Variants in LYST observed in about 807,000 individuals in gnomAD.
LYST encodes the protein lysosomal-trafficking regulator.
LYST carries 192 observed loss-of-function variants against 413.6 expected under a neutral mutation model. That is an observed-to-expected ratio of 0.46 (90% confidence interval 0.41 to 0.52). The LOEUF (loss-of-function observed/expected upper bound fraction) is 0.52. Ranked by LOEUF, LYST falls within the 20% of genes least tolerant of loss-of-function variation. The pLI is 0.00. For missense variants in LYST, 3,815 were observed against 4,499.9 expected, an observed-to-expected ratio of 0.85 and a Z score of 4.35; for synonymous variants, 1,525 against 1,567.3, an observed-to-expected ratio of 0.97 and a Z score of 0.64.
intron 38 of LYST, among the ~76,000 whole-genome samples, chr1:235,726,392 T>C (rs564928617): frequency 9.7e-4 from 148 of 152,326 alleles, no homozygotes; most frequent in African/African-American, 3.5e-3. Flanking sequence ...AATATTTTCA[T>C]ACTTAAAACT....
intron 47 of LYST, among the ~76,000 whole-genome samples, chr1:235,692,535 C>A (rs1489794132): frequency 6.6e-6 from 1 of 151,858 alleles, no homozygotes; most frequent in East Asian, 2.0e-4. Flanking sequence ...AATGTGCCAC[C>A]ATGCCTGGCT....
intron 1 of LYST, among the ~76,000 whole-genome samples, chr1:235,837,918 T>C (rs968942743): frequency 6.6e-6 from 1 of 152,012 alleles, no homozygotes; most frequent in Non-Finnish European, 1.5e-5. Context: ...AAACATAGTA[T>C]GTTTCTCTAA....
intron 1 of LYST, among the ~76,000 whole-genome samples, chr1:235,866,580 C>A (rs1403344952): frequency 2.6e-5 from 4 of 152,236 alleles, no homozygotes; most frequent in East Asian, 1.9e-4. Flanking sequence ...GGGGCCCAGC[C>A]GAGCTCCCGC....
intron 9 of LYST, 115 bp downstream of exon 9, chr1:235,800,756 A>G: frequency 1.4e-6 from 1 of 739,274 alleles, no homozygotes; most frequent in South Asian, 1.7e-5. Flanking sequence ...GGTACCAGAA[A>G]AGATAAGTAA....
In LYST at chr1:235,664,145, T is replaced by C; in HGVS notation, c.11196-90A>G. 3 of 990,946 alleles carry C rather than the reference T, an allele frequency of 3.0e-6. No homozygotes were observed. The highest frequency in any genetic ancestry group is 1.3e-5 in the South Asian group (1 of 78,320). The allele number at this position is 990,946 out of a possible 1,614,324, so 61.4% of individuals were successfully genotyped here. A position where few individuals can be genotyped will look rare whatever the true frequency, so the allele number is the denominator to read the frequency against. On this transcript the variant is annotated intron_variant, in intron 51 of 52. Transcript: ENST00000389793. This position sits in a 1 kb window ranked among gnomAD's most constrained non-coding sequence, Gnocchi z 4.5. ...ATTTGTTTATTTGTTAAAAATCATG[T>C]GGAAGGAAATGTAACAAACAATTAA...
chr1:235,753,055 T>A lies in LYST; in HGVS notation c.7449A>T (p.Gly2483=). The A allele has an allele frequency of 6.6e-7, 1 of 1,523,052 alleles. No individual in the cohort carries two copies. The highest frequency in any genetic ancestry group is 9.1e-7 in the Non-Finnish European group (1 of 1,098,136). The allele number at this position is 1,523,052 out of a possible 1,614,324, so 94.3% of individuals were successfully genotyped here. A position where few individuals can be genotyped will look rare whatever the true frequency, so the allele number is the denominator to read the frequency against. The part of the protein sequence containing the change: ...VLCNTVAALN[G]LEKNIPMSEY... ...AATTTTAAACTTACTTCTTTTCTAA[T>A]CCATTCAGGGCTGCTACTGTATTAC... The change falls in exon 26 of 53, where the codon GGA becomes GGT. Residue 2483 remains glycine, a synonymous_variant. Coordinates refer to ENST00000389793, the MANE Select transcript of LYST (RefSeq NM_000081.4).
At chr1:235,760,854 C>A (rs1667509848) in intron 22 of LYST, among the ~76,000 whole-genome samples, 1 of 152,198 alleles carries the variant, frequency 6.6e-6, no homozygotes, top group Admixed American at 6.5e-5. Flanking sequence ...CCAAAAGATT[C>A]TCTTCAAAAG....
At chr1:235,857,742 T>TACACAC (rs56208034) in intron 1 of LYST, among the ~76,000 whole-genome samples, 31 of 129,344 alleles carry the variant, frequency 2.4e-4, no homozygotes, top group African/African-American at 7.5e-4. Context: ...CATATGTAAA[T>TACACAC]ACACACACAC....
At position 235,715,243 on chromosome 1, in the gene LYST, C is replaced by T. The variant is rs543359025; in HGVS notation, c.9742G>A (p.Val3248Ile). 102 of 1,613,946 alleles carry T rather than the reference C, an allele frequency of 6.3e-5. 1 individual carries two copies. In the South Asian group the frequency reaches 9.2e-4, roughly 15 times the overall value. Residue 3248 changes from valine (V) to isoleucine (I), a missense_variant, in exon 42 of 53, where the codon GTC (valine) becomes ATC (isoleucine). Physicochemically the swap from Val to Ile is conservative, Grantham distance 29. Coordinates refer to ENST00000389793, the MANE Select transcript of LYST (RefSeq NM_000081.4). ...SNSGTVLHFL[V>I]RMPPFTKMFL... is the part of the protein sequence containing the mutation. ...ATTTTAGTGAAAGGAGGCATCCTGA[C>T]CAGGAAGTGAAGCACAGTGCCGCTA...
rs1302142963 is a variant in LYST at position 235,738,847 on chromosome 1, A to G, written c.8358+2575T>C. On this transcript the variant is annotated intron_variant, in intron 31 of 52. Coordinates refer to ENST00000389793, the MANE Select transcript of LYST (RefSeq NM_000081.4). ...ACCATGATTGGTGGAATAAAGGATG[A>G]TGTCTTCCTTAGCATTCCTTGCATC... is the stretch of plus-strand genomic sequence containing the variant. 3.9e-6 allele frequency: 3 copies of G among 772,724 alleles called. No homozygotes were observed. In the Admixed American group the frequency reaches 5.1e-5, roughly 13 times the overall value. The allele number at this position is 772,724 out of a possible 1,614,324, so 47.9% of individuals were successfully genotyped here.
At chr1:235,815,892 G>A (rs1674004884) in intron 3 of LYST, among the ~76,000 whole-genome samples, 1 of 152,050 alleles carries the variant, frequency 6.6e-6, no homozygotes, top group Admixed American at 6.5e-5. Flanking sequence ...CAACACTTTG[G>A]GAGGCTGAGG....
In LYST at chr1:235,715,302, A is replaced by C. The variant is rs1471430894; in HGVS notation, c.9683T>G (p.Val3228Gly). 6 of 1,614,032 alleles carry C rather than the reference A, an allele frequency of 3.7e-6. No homozygotes were observed. Among genetic ancestry groups the C allele is most frequent in the Middle Eastern group, 1.7e-4 (1 of 6,052 alleles). The change falls in exon 42 of 53, where the codon GTG becomes GGG. Residue 3228 changes from valine to glycine, a missense_variant. Around this residue, in one of 4 missense-constraint regions of LYST, gnomAD observed 866 missense variants for 1,156.0 expected, o/e 0.75. Coordinates refer to ENST00000389793, the MANE Select transcript of LYST (RefSeq NM_000081.4). ...GTGGGAGCCATAGTGATAGGGCTGC[A>C]CGGGAGGCATGGGGTCATCTTCTCT... ...GAREDDPMPP[V>G]QPYHYGSHYS...
At chr1:235,862,203 C>A (rs1247127947) in intron 1 of LYST, among the ~76,000 whole-genome samples, 1 of 152,206 alleles carries the variant, frequency 6.6e-6, no homozygotes, top group African/African-American at 2.4e-5. Context: ...TCTGCTTTAA[C>A]CCTAATAAGA....
chr1:235,691,563 A>C (rs1022931894), intron 47 of LYST, among the ~76,000 whole-genome samples: 3 of 152,204 alleles, frequency 2.0e-5, no homozygotes, highest in Non-Finnish European at 4.4e-5. Context: ...TGGTTCAAAC[A>C]CTATGCCCTT....
chr1:235,729,136 A>G (rs1207716535), intron 37 of LYST, among the ~76,000 whole-genome samples: 3 of 152,220 alleles, frequency 2.0e-5, no homozygotes, highest in African/African-American at 2.4e-5. Flanking sequence ...AAAATTTTCA[A>G]ACAAATATAA....
intron 16 of LYST, among the ~76,000 whole-genome samples, chr1:235,778,352 C>T (rs1251225348): frequency 6.6e-6 from 1 of 151,238 alleles, no homozygotes; most frequent in Non-Finnish European, 1.5e-5. Context: ...GGGCCTTGTG[C>T]TTAGATTATT....
chr1:235,873,699 AT>A lies in LYST; in HGVS notation n.454+9487del, dbSNP rs1681031164. ...TTATTTTGACAGCCAGTATTTGTCT[AT>A]CTTAATTCCCAATATATTCCTGCGG... On this transcript the variant is annotated intron_variant and non_coding_transcript_variant, in intron 1 of 11. Transcript: ENST00000465349. 2.0e-5 allele frequency among the ~76,000 whole-genome samples: 3 copies of A among 152,234 alleles called. No homozygotes were observed. The South Asian group carries it at 6.2e-4, about 32-fold the overall frequency.
chr1:235,833,657 C>G lies in LYST; in HGVS notation c.-87G>C, dbSNP rs1676234103. ...CTAGATGAAACAAATATTCTTAGAA[C>G]AAAGCTTCACCTACAAAAAAAAAGA... On this transcript the variant is annotated 5_prime_UTR_variant, in exon 2 of 53. Transcript: ENST00000389793. The G allele has an allele frequency of 2.7e-5, 24 of 881,154 alleles. 3 individuals carry two copies. The South Asian group carries it at 1.2e-3, about 44-fold the overall frequency. The allele number at this position is 881,154 out of a possible 1,614,324, so 54.6% of individuals were successfully genotyped here. A position where few individuals can be genotyped will look rare whatever the true frequency, so the allele number is the denominator to read the frequency against.
chr1:235,729,486 A>C (rs1488351834), intron 37 of LYST, 110 bp downstream of exon 37: 2 of 756,526 alleles, frequency 2.6e-6, no homozygotes, highest in Non-Finnish European at 4.7e-6. Context: ...ATATGATACT[A>C]CAGAAAGTTT....
Sources: allele counts gnomAD v4.1 joint callset (sites outside exome capture counted in the v4.1 genomes callset), GRCh38; gene constraint gnomAD v4.1.1; regional missense constraint gnomAD v4.1.1; non-coding constraint Gnocchi (gnomAD v3.1); transcripts MANE v1.5; gene names NCBI Gene and HGNC (gene_info 2026-07-23, HGNC 2026-07-21).